The following NFATC4 variants were observed in gnomAD, a reference collection of about 807,000 sequenced individuals.
The protein encoded by NFATC4 is nuclear factor of activated T-cells, cytoplasmic 4.
NFATC4 carries 25 observed loss-of-function variants against 73.4 expected under a neutral mutation model. The ratio of observed to expected loss-of-function variants is 0.34; its 90% CI spans 0.25 to 0.48. NFATC4 has a LOEUF of 0.48. NFATC4 is among the 20% of genes least tolerant of loss of function. The probability of loss-of-function intolerance (pLI) is 0.99; values close to 1 mark genes in which losing one functional copy is unlikely to be tolerated. For missense variants in NFATC4, 1,130 were observed against 1,203.7 expected (o/e 0.94, Z 0.91); for synonymous variants, 523 against 510.3 (o/e 1.02, Z -0.34).
intron 1 of NFATC4, chr14:24,369,170 A>G: frequency 1.3e-6 from 2 of 1,487,480 alleles, no homozygotes; most frequent in Non-Finnish European, 1.8e-6. Context: ...AGTCGCCCCC[A>G]GTCCAGCCCA....
In NFATC4 at chr14:24,370,106, A is replaced by G. The variant is rs1345634634; in HGVS notation, c.708A>G (p.Pro236=). 6.2e-7 allele frequency: 1 copy of G among 1,604,216 alleles called. No individual in the cohort carries two copies. The highest frequency in any genetic ancestry group is 1.1e-5 in the South Asian group (1 of 91,022). Residue 236 remains proline (P), a synonymous_variant, in exon 2 of 10, where the codon CCA becomes CCG. Transcript: ENST00000250373. ...AAGATCCCTGGAGCCTGTATGGTCC[A>G]AGCCCCGGAGGCCGAGGGCCAGAGG... ...TPEDPWSLYG[P]SPGGRGPEDS...
upstream of NFATC4, chr14:24,367,688 C>A (rs185408702): frequency 6.5e-7 from 1 of 1,532,540 alleles, no homozygotes; most frequent in Non-Finnish European, 8.7e-7. Context: ...TTTCCTCTTC[C>A]GAGCAACTCG....
rs1242473827 is a variant in NFATC4 at position 24,368,301 on chromosome 14, C to G, written c.-40C>G. The G allele has an allele frequency of 2.2e-6, 3 of 1,379,472 alleles. No individual in the cohort carries two copies. The highest frequency in any genetic ancestry group is 2.8e-6 in the Non-Finnish European group (3 of 1,067,224). 85.5% of individuals were successfully genotyped at this position (1,379,472 alleles called of 1,614,324 possible). ...ATACAGCAGCCTCCTGAACTCCCCC[C>G]TCCCACCCAGGCCGGGACCTGGGGG... On this transcript the variant is annotated 5_prime_UTR_variant, in exon 1 of 10. Transcript: ENST00000250373.
intron 2 of NFATC4, 139 bp downstream of exon 2, chr14:24,370,733 C>A: frequency 1.7e-6 from 2 of 1,203,684 alleles, no homozygotes; most frequent in Non-Finnish European, 2.3e-6. Flanking sequence ...CAGCAGCTGC[C>A]AACTACCTGG....
Position 24,377,277 on chromosome 14 carries a change from C to G in NFATC4, c.2642-361C>G. 3 of 1,249,140 alleles carry G rather than the reference C, an allele frequency of 2.4e-6. No individual in the cohort carries two copies. Among genetic ancestry groups the G allele is most frequent in the Non-Finnish European group, 3.0e-6 (3 of 996,490 alleles). The allele number at this position is 1,249,140 out of a possible 1,614,324, so 77.4% of individuals were successfully genotyped here. On this transcript the variant is annotated intron_variant, in intron 9 of 9. Transcript: ENST00000250373. This position sits in a 1 kb window ranked among gnomAD's most constrained non-coding sequence, Gnocchi z 4.2. ...CATTGCCTCAGCTTTCCCCTAAACA[C>G]GGTGTCTGTGGTCAGGGTTGGTGAG...
At position 24,377,453 on chromosome 14, in the gene NFATC4, G is replaced by T; in HGVS notation, c.2642-185G>T. ...AGCCCACATGGAGGGAGTTGGGCAA[G>T]ATTTGATTCGGAGCAGGTGTCAAGA... On this transcript the variant is annotated intron_variant, in intron 9 of 9. Coordinates refer to ENST00000250373, the MANE Select transcript of NFATC4 (RefSeq NM_004554.5). This position sits in a 1 kb window ranked among gnomAD's most constrained non-coding sequence, Gnocchi z 4.2. 7.0e-7 allele frequency: 1 copy of T among 1,431,456 alleles called. No individual in the cohort carries two copies. The highest frequency in any genetic ancestry group is 2.1e-4 in the Middle Eastern group (1 of 4,754). 88.7% of individuals were successfully genotyped at this position (1,431,456 alleles called of 1,614,324 possible).
At position 24,377,335 on chromosome 14, in the gene NFATC4, C is replaced by A; in HGVS notation, c.2642-303C>A. On this transcript the variant is annotated intron_variant, in intron 9 of 9. Transcript: ENST00000250373. The surrounding 1 kb of genome is among the most constrained non-coding windows in gnomAD (Gnocchi z 4.2). The stretch of plus-strand genomic sequence containing the variant: ...TTTCCTGTTTTGCCTCTCCTTCTTC[C>A]CATTGGCTACACCCATCTCTGGCCC... The A allele has an allele frequency of 1.6e-6, 2 of 1,287,272 alleles. No individual in the cohort carries two copies. The highest frequency in any genetic ancestry group is 2.0e-6 in the Non-Finnish European group (2 of 1,017,334). The allele number at this position is 1,287,272 out of a possible 1,614,324, so 79.7% of individuals were successfully genotyped here. A position where few individuals can be genotyped will look rare whatever the true frequency, so the allele number is the denominator to read the frequency against.
rs996721849 is a variant in NFATC4, at chr14:24,379,260, C to T, written c.*1555C>T. ...AAACTGATATCAAGTGATTAGCTCA[C>T]CGGGCCTTGGTTGCTTTTCAAAGAT... On this transcript the variant is annotated 3_prime_UTR_variant, in exon 10 of 10. Coordinates refer to ENST00000250373, the MANE Select transcript of NFATC4 (RefSeq NM_004554.5). The T allele has an allele frequency of 1.3e-5, 2 of 152,366 alleles. No homozygotes were observed. The highest frequency in any genetic ancestry group is 4.8e-5 in the African/African-American group (2 of 41,450). 9.4% of individuals were successfully genotyped at this position (152,366 alleles called of 1,614,324 possible). A position where few individuals can be genotyped will look rare whatever the true frequency, so the allele number is the denominator to read the frequency against.
At chr14:24,367,624 T>G, upstream of NFATC4, 2 of 1,536,104 alleles carry the variant, frequency 1.3e-6, no homozygotes, top group Non-Finnish European at 1.7e-6. Flanking sequence ...GCGCAAAGAC[T>G]TCCAGAAGGC....
In NFATC4 at chr14:24,376,601, T is replaced by C; in HGVS notation, c.2364T>C (p.Pro788=). ...PAVSFLPRPF[P]SDPYGGRGSS... is the part of the protein sequence containing the mutation. ...TTTCCTTCCTTCCCCGCCCCTTCCC[T>C]AGTGACCCGTATGGAGGGCGGGGCT... Residue 788 remains proline, a synonymous_variant, in exon 9 of 10, where the codon CCT becomes CCC. Transcript: ENST00000250373. The surrounding 1 kb of genome is among the most constrained non-coding windows in gnomAD (Gnocchi z 5.0). 1 of 1,613,786 alleles carries C rather than the reference T, an allele frequency of 6.2e-7. No homozygotes were observed. The highest frequency in any genetic ancestry group is 1.1e-5 in the South Asian group (1 of 91,062).
At position 24,369,722 on chromosome 14, in the gene NFATC4, C is replaced by T. The variant is rs114908477; in HGVS notation, c.324C>T (p.Gly108=). Residue 108 remains glycine, a synonymous_variant, in exon 2 of 10, where the codon GGC becomes GGT. Transcript: ENST00000250373. The part of the protein sequence containing the change: ...PGGGAGGAGG[G]RVLECPSIRI... ...GGGGTGCTGGGGGTGCTGGGGGTGG[C>T]CGTGTTCTCGAGTGTCCCAGCATCC... The T allele has an allele frequency of 1.7e-3, 2,684 of 1,584,444 alleles. 31 individuals carry two copies. The African/African-American group carries it at 0.026, about 15-fold the overall frequency.
At position 24,369,792 on chromosome 14, in the gene NFATC4, G is replaced by A; in HGVS notation, c.394G>A (p.Glu132Lys). Residue 132 changes from glutamate (E) to lysine (K), a missense_variant, in exon 2 of 10, where the codon GAG (glutamate) becomes AAG (lysine). By Grantham distance (56) the Glu-to-Lys change is moderately conservative. Around this residue, in one of 3 missense-constraint regions of NFATC4, gnomAD observed 585 missense variants for 574.3 expected, o/e 1.02. Transcript: ENST00000250373. ...SPTPEPPAAL[E>K]DNPDAWGDGS... ...CACGCCGGAGCCGCCAGCAGCGCTG[G>A]AGGACAACCCTGATGCCTGGGGGGA... 2 of 1,596,856 alleles carry A rather than the reference G, an allele frequency of 1.3e-6. No individual in the cohort carries two copies. The highest frequency in any genetic ancestry group is 1.7e-6 in the Non-Finnish European group (2 of 1,171,628).
chr14:24,372,622 G>A lies in NFATC4; in HGVS notation c.1359+19G>A, dbSNP rs529346750. 5.0e-6 allele frequency: 8 copies of A among 1,613,636 alleles called. No individual in the cohort carries two copies. The African/African-American group carries it at 9.3e-5, about 19-fold the overall frequency. ...AGTCAAGGTAAAGGACAGACAGCAG[G>A]CCTGATATCCTCTCTCCTCTCCCAG... is the stretch of plus-strand genomic sequence containing the variant. On this transcript the variant is annotated intron_variant, in intron 3 of 9. Coordinates refer to ENST00000250373, the MANE Select transcript of NFATC4 (RefSeq NM_004554.5).
Position 24,376,892 on chromosome 14 carries a change from TG to T in NFATC4, c.2641+19del, listed in dbSNP as rs1215194519. 7.1e-6 allele frequency: 11 copies of T among 1,538,980 alleles called. No homozygotes were observed. Among genetic ancestry groups the T allele is most frequent in the Non-Finnish European group, 9.6e-6 (11 of 1,145,174 alleles). ...CGCTGGAGGAAGGTGGGTGTGGGAC[TG>T]GGGGCTGTGAGTGTGAGTGTGTGCA... is the stretch of plus-strand genomic sequence containing the variant. On this transcript the variant is annotated intron_variant, in intron 9 of 9. Transcript: ENST00000250373. The surrounding 1 kb of genome is among the most constrained non-coding windows in gnomAD (Gnocchi z 5.0).
Position 24,376,716 on chromosome 14 carries a change from C to A in NFATC4, c.2479C>A (p.Pro827Thr). ...PASPPLEGPF[P>T]SQSDVHPLPA... ...ATCCCCACCGCTTGAAGGCCCCTTC[C>A]CTTCCCAGAGTGATGTGCATCCCCT... is the stretch of plus-strand genomic sequence containing the variant. The change falls in exon 9 of 10, where the codon CCT (proline) becomes ACT (threonine). Residue 827 changes from proline (P) to threonine (T), a missense_variant. Pro to Thr is a conservative substitution (Grantham distance 38). Coordinates refer to ENST00000250373, the MANE Select transcript of NFATC4 (RefSeq NM_004554.5). The surrounding 1 kb of genome is among the most constrained non-coding windows in gnomAD (Gnocchi z 5.0). 1 of 1,613,988 alleles carries A rather than the reference C, an allele frequency of 6.2e-7. No individual in the cohort carries two copies. The highest frequency in any genetic ancestry group is 8.5e-7 in the Non-Finnish European group (1 of 1,179,996).
chr14:24,373,494 A>G lies in NFATC4; in HGVS notation c.1559+124A>G. ...GACATTTTTCCTAGGAGCTGGCTTCAGGCCTACCCACCATCTGGAAGAGGA... is the reference window on the plus strand; with the variant it reads ...GACATTTTTCCTAGGAGCTGGCTTCGGGCCTACCCACCATCTGGAAGAGGA... On this transcript the variant is annotated intron_variant, in intron 4 of 9. Transcript: ENST00000250373. The surrounding 1 kb of genome is among the most constrained non-coding windows in gnomAD (Gnocchi z 4.7). The G allele has an allele frequency of 7.3e-7, 1 of 1,378,686 alleles. No homozygotes were observed. Among genetic ancestry groups the G allele is most frequent in the African/African-American group, 1.4e-5 (1 of 69,664 alleles). 85.4% of individuals were successfully genotyped at this position (1,378,686 alleles called of 1,614,324 possible). A position where few individuals can be genotyped will look rare whatever the true frequency, so the allele number is the denominator to read the frequency against.
chr14:24,372,363 C>T, intron 2 of NFATC4, 78 bp from the exon 3 acceptor site: 1 of 1,464,914 alleles, frequency 6.8e-7, no homozygotes, highest in African/African-American at 1.4e-5. Context: ...CCCATACCCC[C>T]TCCTCCCTCA....
intron 1 of NFATC4, 183 bp from the exon 2 acceptor site, chr14:24,369,316 C>G: frequency 6.3e-7 from 1 of 1,587,000 alleles, no homozygotes; most frequent in Non-Finnish European, 8.5e-7. Context: ...GCCTGGCATG[C>G]CTGCTTCAAT....
At chr14:24,375,800 G>A (rs1461627872) in intron 7 of NFATC4, 85 bp downstream of exon 7, 25 of 1,564,292 alleles carry the variant, frequency 1.6e-5, no homozygotes, top group Middle Eastern at 2.1e-4. Context: ...GCTCAGGGGA[G>A]TGGACTTTTC....
Sources: allele counts gnomAD v4.1 joint callset, GRCh38; gene constraint gnomAD v4.1.1; regional missense constraint gnomAD v4.1.1; non-coding constraint Gnocchi (gnomAD v3.1); transcripts MANE v1.5; gene names NCBI Gene and HGNC (gene_info 2026-07-23, HGNC 2026-07-21).